The following COL4A3 variants were observed in gnomAD, a reference collection of about 807,000 sequenced individuals.
COL4A3 encodes collagen type IV alpha 3 chain.
COL4A3 carries 135 observed loss-of-function variants against 217.4 expected under a neutral mutation model. The observed-to-expected ratio is 0.62, with a 90% confidence interval of 0.54 to 0.72. COL4A3 has a LOEUF of 0.72. Ranked by LOEUF, COL4A3 falls within the 30% of genes least tolerant of loss-of-function variation. The pLI is 0.00. For synonymous variants in COL4A3, 690 were observed against 736.3 expected, an observed-to-expected ratio of 0.94 and a Z score of 1.02; for missense variants, 1,868 against 2,119.9, an observed-to-expected ratio of 0.88 and a Z score of 2.33.
In COL4A3 at chr2:227,307,869, T is replaced by C. The variant is rs757545559; in HGVS notation, c.4412T>C (p.Phe1471Ser). The C allele has an allele frequency of 5.0e-6, 8 of 1,614,142 alleles. No homozygotes were observed. The South Asian group carries it at 7.7e-5, about 16-fold the overall frequency. Reference protein sequence around the residue: ...PEGTVPLYSGFSFLFVQGNQR... With the variant: ...PEGTVPLYSGSSFLFVQGNQR... ...GGGACAGTGCCACTCTACAGTGGGT[T>C]TTCTTTTCTTTTTGTACAAGGAAAT... is the stretch of plus-strand genomic sequence containing the variant. The change falls in exon 48 of 52, where the codon TTT becomes TCT. Residue 1471 changes from phenylalanine (F) to serine (S), a missense_variant. By Grantham distance (155) the Phe-to-Ser change is radical. Transcript: ENST00000396578.
intron 24 of COL4A3, among the ~76,000 whole-genome samples, chr2:227,270,404 T>C (rs1284912965): frequency 2.0e-5 from 3 of 152,206 alleles, no homozygotes; most frequent in Non-Finnish European, 4.4e-5. Flanking sequence ...AAAATTAGAA[T>C]CTTGACTGTC....
intron 1 of COL4A3, among the ~76,000 whole-genome samples, chr2:227,185,989 A>C (rs1035988587): frequency 6.6e-6 from 1 of 152,236 alleles, no homozygotes; most frequent in African/African-American, 2.4e-5. Context: ...CCTGTGGGCT[A>C]CTGGAAGTGT....
intron 1 of COL4A3, among the ~76,000 whole-genome samples, chr2:227,170,374 C>T (rs575500213): frequency 3.3e-5 from 5 of 151,932 alleles, no homozygotes; most frequent in South Asian, 2.1e-4. Flanking sequence ...ACCCAAGACT[C>T]GATAATTTAT....
intron 47 of COL4A3, 45 bp downstream of exon 47, chr2:227,305,128 C>A: frequency 6.5e-7 from 1 of 1,548,668 alleles, no homozygotes. Context: ...GCTATTTCGA[C>A]ATACAGAGAA....
chr2:227,280,504 A>G lies in COL4A3; in HGVS notation c.2288A>G (p.Asn763Ser), dbSNP rs1378494393. The G allele has an allele frequency of 1.9e-6, 3 of 1,614,150 alleles. No homozygotes were observed. Among genetic ancestry groups the G allele is most frequent in the Non-Finnish European group, 2.5e-6 (3 of 1,179,994 alleles). Residue 763 changes from asparagine to serine, a missense_variant, in exon 30 of 52, where the codon AAT becomes AGT. Asn to Ser is a conservative substitution (Grantham distance 46). Coordinates refer to ENST00000396578, the MANE Select transcript of COL4A3 (RefSeq NM_000091.5). ...CCAGGTTTTCCAGGAGAAAGAGGCA[A>G]TTCTGGGGAACATGGAGAAATTGGA... Reference protein sequence around the residue: ...GTPGFPGERGNSGEHGEIGLP... With the variant: ...GTPGFPGERGSSGEHGEIGLP...
intron 1 of COL4A3, among the ~76,000 whole-genome samples, chr2:227,193,014 A>C (rs771220926): frequency 6.6e-6 from 1 of 152,156 alleles, no homozygotes; most frequent in African/African-American, 2.4e-5. Context: ...CTTACTTTCA[A>C]TTTCTATATT....
At chr2:227,244,527 A>C (rs541869963) in intron 4 of COL4A3, among the ~76,000 whole-genome samples, 163 bp downstream of exon 4, 1 of 152,206 alleles carries the variant, frequency 6.6e-6, no homozygotes, top group Admixed American at 6.6e-5. Context: ...AGTGGTTACC[A>C]CATTAGGGGC....
chr2:227,303,151 A>G, intron 44 of COL4A3, 41 bp downstream of exon 44: 1 of 1,527,502 alleles, frequency 6.5e-7, no homozygotes, highest in Non-Finnish European at 9.1e-7. Flanking sequence ...CAAATACCAT[A>G]ACCTCAATTC....
intron 5 of COL4A3, 145 bp downstream of exon 5, chr2:227,245,140 G>C (rs1052538129): frequency 1.3e-6 from 1 of 768,028 alleles, no homozygotes; most frequent in African/African-American, 1.7e-5. Context: ...TATTATACTA[G>C]TGTGTGGATT....
Position 227,282,562 on chromosome 2 carries a change from C to A in COL4A3, c.2656+30C>A. 6.2e-7 allele frequency: 1 copy of A among 1,601,818 alleles called. No individual in the cohort carries two copies. Among genetic ancestry groups the A allele is most frequent in the Non-Finnish European group, 8.5e-7 (1 of 1,169,856 alleles). ...CCTTTTGTGTGTTTCTATTTTTCTTCTTATTTCTTCTTCTTCTTAAGGTGG... is the reference window on the plus strand; with the variant it reads ...CCTTTTGTGTGTTTCTATTTTTCTTATTATTTCTTCTTCTTCTTAAGGTGG... On this transcript the variant is annotated intron_variant, in intron 32 of 51. Coordinates refer to ENST00000396578, the MANE Select transcript of COL4A3 (RefSeq NM_000091.5). The surrounding 1 kb of genome is among the most constrained non-coding windows in gnomAD (Gnocchi z 4.4).
chr2:227,222,115 ACT>A (rs2067820699), intron 1 of COL4A3, among the ~76,000 whole-genome samples: 1 of 139,696 alleles, frequency 7.2e-6, no homozygotes, highest in Non-Finnish European at 1.5e-5. Flanking sequence ...ATACGGAGAC[ACT>A]GTCTCTAATA....
At chr2:227,207,048 T>C (rs569123850) in intron 1 of COL4A3, among the ~76,000 whole-genome samples, 4 of 152,210 alleles carry the variant, frequency 2.6e-5, no homozygotes, top group Non-Finnish European at 4.4e-5. Flanking sequence ...GGCTCTGATA[T>C]GTACTCCAGA....
At chr2:227,246,095 CA>C (rs1377256304) in intron 6 of COL4A3, 79 bp downstream of exon 6, 1 of 1,116,950 alleles carries the variant, frequency 9.0e-7, no homozygotes, top group African/African-American at 1.5e-5. Context: ...CAATGAAAGG[CA>C]GACAGGCTTC....
intron 47 of COL4A3, 88 bp from the exon 48 acceptor site, chr2:227,307,622 T>C (rs1215897495): frequency 2.8e-6 from 3 of 1,081,116 alleles, no homozygotes; most frequent in Non-Finnish European, 4.2e-6. Context: ...GGGCTCAACA[T>C]ATATAAAATA....
At position 227,191,904 on chromosome 2, in the gene COL4A3, C is replaced by T. The variant is rs1388551687; in HGVS notation, c.87+27091C>T. Among the ~76,000 whole-genome samples the T allele has an allele frequency of 6.6e-6, 1 of 151,960 alleles. No homozygotes were observed. Among genetic ancestry groups the T allele is most frequent in the East Asian group, 1.9e-4 (1 of 5,182 alleles). On this transcript the variant is annotated intron_variant, in intron 1 of 51. Transcript: ENST00000396578. The surrounding 1 kb of genome is among the most constrained non-coding windows in gnomAD (Gnocchi z 6.8). Reference sequence around the variant, plus strand: ...TTTGGCAATTTCTTCAACAGCAGTGCCCTTATCAAAAACAGACACTTGAGA... The same window carrying T: ...TTTGGCAATTTCTTCAACAGCAGTGTCCTTATCAAAAACAGACACTTGAGA...
At chr2:227,281,800 G>C (rs963906328) in intron 31 of COL4A3, 2 of 152,350 alleles carry the variant, frequency 1.3e-5, no homozygotes, top group Non-Finnish European at 2.9e-5. Context: ...CTAGAAAATA[G>C]ATATAAAGAC....
chr2:227,239,377 G>A (rs1385553278), intron 2 of COL4A3, among the ~76,000 whole-genome samples: 2 of 151,590 alleles, frequency 1.3e-5, no homozygotes, highest in Non-Finnish European at 2.9e-5. Context: ...TTGTATAAGG[G>A]ACTTAAGAAT....
intron 17 of COL4A3, among the ~76,000 whole-genome samples, chr2:227,257,175 T>G (rs28435317): frequency 6.6e-6 from 1 of 152,134 alleles, no homozygotes; most frequent in African/African-American, 2.4e-5. Flanking sequence ...GAGTCAAGAT[T>G]TACCCTTTAA....
At chr2:227,166,306 T>C (rs80279016) in intron 1 of COL4A3, among the ~76,000 whole-genome samples, 3,772 of 152,306 alleles carry the variant, frequency 0.025, 149 homozygotes, top group African/African-American at 0.083. Flanking sequence ...GCATGATAGA[T>C]AAAACTCAGT....
Sources: allele counts gnomAD v4.1 joint callset (sites outside exome capture counted in the v4.1 genomes callset), GRCh38; gene constraint gnomAD v4.1.1; non-coding constraint Gnocchi (gnomAD v3.1); transcripts MANE v1.5; gene names NCBI Gene and HGNC (gene_info 2026-07-23, HGNC 2026-07-21).